ZNF616: variants seen among roughly 807,000 people sequenced by gnomAD.
The protein encoded by ZNF616 is zinc finger protein 616.
Under a neutral mutation model 7.6 loss-of-function variants are expected in ZNF616, and 5 were observed. The observed-to-expected ratio is 0.66, with a 90% CI of 0.34 to 1.38. The LOEUF (loss-of-function observed/expected upper bound fraction) is 1.38. ZNF616 is among the 40% of genes most tolerant of loss of function. The pLI, the probability that ZNF616 is intolerant of heterozygous loss-of-function variation, is 0.04. For synonymous variants in ZNF616, 319 were observed against 317.2 expected, an observed-to-expected ratio of 1.01 and a Z score of -0.06; for missense variants, 913 against 948.3, an observed-to-expected ratio of 0.96 and a Z score of 0.49.
rs1377816946 is a variant in ZNF616 at position 52,115,098 on chromosome 19, T to C, written c.2066A>G (p.Tyr689Cys). Reference protein sequence around the residue: ...HQIIHAGKKPYKCDECGKVFR... With the variant: ...HQIIHAGKKPCKCDECGKVFR... The stretch of plus-strand genomic sequence containing the variant: ...TACCTTGCCACATTCATCACATTTA[T>C]ATGGTTTCTTTCCTGCATGAATTAT... The change falls in exon 4 of 4, where the codon TAT becomes TGT. Residue 689 changes from tyrosine to cysteine, a missense_variant. Physicochemically the swap from Tyr to Cys is radical, Grantham distance 194. Coordinates refer to ENST00000600228, the MANE Select transcript of ZNF616 (RefSeq NM_178523.5). 5 of 1,614,030 alleles carry C rather than the reference T, an allele frequency of 3.1e-6. No homozygotes were observed. Among genetic ancestry groups the C allele is most frequent in the Admixed American group, 1.7e-5 (1 of 60,008 alleles).
At chr19:52,122,878 C>T (rs951059198) in intron 3 of ZNF616, among the ~76,000 whole-genome samples, 3 of 152,060 alleles carry the variant, frequency 2.0e-5, no homozygotes, top group Admixed American at 6.5e-5. Flanking sequence ...TCGTGATCCA[C>T]CCGCCTCGGC....
In ZNF616 at chr19:52,114,729, T is replaced by A; in HGVS notation, c.*89A>T. 1 of 1,448,102 alleles carries A rather than the reference T, an allele frequency of 6.9e-7. No individual in the cohort carries two copies. The highest frequency in any genetic ancestry group is 9.2e-7 in the Non-Finnish European group (1 of 1,081,088). 89.7% of individuals were successfully genotyped at this position (1,448,102 alleles called of 1,614,324 possible). ...CCACCTCCAATACTGGAGATTACAA[T>A]TCCACAGGGATTTCAAGAGAAGGGG... On this transcript the variant is annotated 3_prime_UTR_variant, in exon 4 of 4. Transcript: ENST00000600228.
At position 52,116,202 on chromosome 19, in the gene ZNF616, C is replaced by T. The variant is rs1191769839; in HGVS notation, c.962G>A (p.Gly321Glu). 2 of 1,613,992 alleles carry T rather than the reference C, an allele frequency of 1.2e-6. No individual in the cohort carries two copies. Among genetic ancestry groups the T allele is most frequent in the East Asian group, 2.2e-5 (1 of 44,858 alleles). ...CTCATTACATTTGAAGGGTCTCTCT[C>T]CAGTATGAACTGTCTGATGAAGTCT... ...HLRLHQTVHT[G>E]ERPFKCNECG... Residue 321 changes from glycine to glutamate, a missense_variant, in exon 4 of 4, where the codon GGA (glycine) becomes GAA (glutamate). Coordinates refer to ENST00000600228, the MANE Select transcript of ZNF616 (RefSeq NM_178523.5).
chr19:52,118,926 C>T (rs770035798), intron 3 of ZNF616, among the ~76,000 whole-genome samples: 10 of 152,164 alleles, frequency 6.6e-5, no homozygotes, highest in Non-Finnish European at 1.0e-4. Context: ...TATGCACCTA[C>T]GTTTGCAGGA....
chr19:52,127,865 A>G (rs1280690499), intron 2 of ZNF616, among the ~76,000 whole-genome samples: 1 of 152,250 alleles, frequency 6.6e-6, no homozygotes, highest in Non-Finnish European at 1.5e-5. Context: ...AACTGGCACA[A>G]TGAAATTTCA....
At position 52,114,736 on chromosome 19, in the gene ZNF616, G is replaced by T; in HGVS notation, c.*82C>A. The T allele has an allele frequency of 6.8e-7, 1 of 1,465,596 alleles. No homozygotes were observed. 90.8% of individuals were successfully genotyped at this position (1,465,596 alleles called of 1,614,324 possible). On this transcript the variant is annotated 3_prime_UTR_variant, in exon 4 of 4. Coordinates refer to ENST00000600228, the MANE Select transcript of ZNF616 (RefSeq NM_178523.5). ...CAATACTGGAGATTACAATTCCACA[G>T]GGATTTCAAGAGAAGGGGTAAATAT...
In ZNF616 at chr19:52,115,354, G is replaced by A; in HGVS notation, c.1810C>T (p.Pro604Ser). ...GHRRVHTGEKPYKCHECGKAF... is the reference protein window; with the variant it reads ...GHRRVHTGEKSYKCHECGKAF... ...TTGCCACATTCATGACATTTGTATG[G>A]TTTCTCTCCAGTATGAACTCTTCGA... Residue 604 changes from proline (P) to serine (S), a missense_variant, in exon 4 of 4, where the codon CCA (proline) becomes TCA (serine). Physicochemically the swap from Pro to Ser is moderately conservative, Grantham distance 74. Coordinates refer to ENST00000600228, the MANE Select transcript of ZNF616 (RefSeq NM_178523.5). The A allele has an allele frequency of 6.2e-7, 1 of 1,614,042 alleles. No individual in the cohort carries two copies. Among genetic ancestry groups the A allele is most frequent in the Non-Finnish European group, 8.5e-7 (1 of 1,180,002 alleles).
At chr19:52,130,050 G>T (rs548527668) in intron 2 of ZNF616, among the ~76,000 whole-genome samples, 1 of 152,330 alleles carries the variant, frequency 6.6e-6, no homozygotes, top group African/African-American at 2.4e-5. Context: ...TGAGATTACA[G>T]GCATGAGACA....
chr19:52,129,927 C>A (rs541280906), intron 2 of ZNF616, among the ~76,000 whole-genome samples: 1 of 151,974 alleles, frequency 6.6e-6, no homozygotes, highest in Non-Finnish European at 1.5e-5. Context: ...GGATTACAGG[C>A]CCCTGCCACC....
rs746608553 is a variant in ZNF616, at chr19:52,116,996, T to C, written c.168A>G (p.Glu56=). The change falls in exon 4 of 4, where the codon GAA becomes GAG. Residue 56 remains glutamate, a synonymous_variant. Transcript: ENST00000600228. ...TATTACTGTTCTCTGTTGGTGGTAATTCCTTGATCACACATTTAGGAGAGA... is the reference window on the plus strand; with the variant it reads ...TATTACTGTTCTCTGTTGGTGGTAACTCCTTGATCACACATTTAGGAGAGA... ...LGISPKCVIK[E]LPPTENSNTG... The C allele has an allele frequency of 6.9e-5, 110 of 1,588,414 alleles. 2 individuals carry two copies. The South Asian group carries it at 1.2e-3, about 17-fold the overall frequency.
intron 2 of ZNF616, among the ~76,000 whole-genome samples, chr19:52,124,255 A>G (rs2088887701): frequency 6.6e-6 from 1 of 152,228 alleles, no homozygotes; most frequent in Non-Finnish European, 1.5e-5. Context: ...GTATAGTTCT[A>G]TTTTTGTGGA....
Position 52,115,689 on chromosome 19 carries a change from G to C in ZNF616, c.1475C>G (p.Pro492Arg), listed in dbSNP as rs1488698997. 3.1e-6 allele frequency: 5 copies of C among 1,613,770 alleles called. No homozygotes were observed. Among genetic ancestry groups the C allele is most frequent in the Non-Finnish European group, 4.2e-6 (5 of 1,179,900 alleles). ...CTTGCCACATTCATTGCATTTGTAA[G>C]GTTTCTCTCCAGTATGAATTCTCTG... ...AHQRIHTGEK[P>R]YKCNECGKVF... The change falls in exon 4 of 4, where the codon CCT (proline) becomes CGT (arginine). Residue 492 changes from proline (P) to arginine (R), a missense_variant. Physicochemically the swap from Pro to Arg is moderately radical, Grantham distance 103. Transcript: ENST00000600228.
At chr19:52,118,952 T>C (rs936118895) in intron 3 of ZNF616, among the ~76,000 whole-genome samples, 2 of 152,208 alleles carry the variant, frequency 1.3e-5, no homozygotes, top group African/African-American at 4.8e-5. Context: ...CATTATGTTT[T>C]TTTCAAAAAC....
intron 2 of ZNF616, among the ~76,000 whole-genome samples, chr19:52,130,269 C>T (rs1474248038): frequency 6.6e-6 from 1 of 152,132 alleles, no homozygotes; most frequent in African/African-American, 2.4e-5. Context: ...TTCCCAGGAC[C>T]ATGCCCAGTG....
chr19:52,125,208 C>T (rs150260520), intron 2 of ZNF616, among the ~76,000 whole-genome samples: 153 of 152,230 alleles, frequency 1.0e-3, no homozygotes, highest in South Asian at 1.9e-3. Context: ...TTTTCTACTA[C>T]CAATTCAAAA....
In ZNF616 at chr19:52,116,548, TC is replaced by T; in HGVS notation, c.615del (p.Ile206TyrfsTer23). 1.9e-6 allele frequency: 3 copies of T among 1,614,102 alleles called. No individual in the cohort carries two copies. The highest frequency in any genetic ancestry group is 2.5e-6 in the Non-Finnish European group (3 of 1,180,008). On this transcript the variant is annotated frameshift_variant, in exon 4 of 4. Coordinates refer to ENST00000600228, the MANE Select transcript of ZNF616 (RefSeq NM_178523.5). LOFTEE classifies it low-confidence loss of function (END_TRUNC). ...TTGTAAGGTTTCTCTGTAGTATGTA[TC>T]CTCTGATGATTAATAAGGCTGGAAG... is the stretch of plus-strand genomic sequence containing the variant. ...KASSSLINHQ[R>X]IHTTEKPYKC... is the part of the protein sequence containing the mutation.
chr19:52,130,537 C>T lies in ZNF616; in HGVS notation c.-25G>A. On this transcript the variant is annotated 5_prime_UTR_variant, in exon 2 of 4. Transcript: ENST00000600228. ...TCACTGACTCCTTTTCCTTCCTCTT[C>T]TTCCTCTTCTGGGTTTCTTTCTCAG... 1 of 1,603,726 alleles carries T rather than the reference C, an allele frequency of 6.2e-7. No individual in the cohort carries two copies. The highest frequency in any genetic ancestry group is 8.5e-7 in the Non-Finnish European group (1 of 1,176,214).
intron 1 of ZNF616, among the ~76,000 whole-genome samples, chr19:52,131,352 T>C (rs1424434193): frequency 6.8e-6 from 1 of 147,514 alleles, no homozygotes; most frequent in Non-Finnish European, 1.5e-5. Flanking sequence ...GGAAGGAGAA[T>C]CTCTATAAGG....
chr19:52,132,156 AAT>A (rs2088965960), intron 1 of ZNF616, among the ~76,000 whole-genome samples: 1 of 152,164 alleles, frequency 6.6e-6, no homozygotes, highest in South Asian at 2.1e-4. Context: ...CCTTCTATAT[AAT>A]GTCATATCTT....
Sources: allele counts gnomAD v4.1 joint callset (sites outside exome capture counted in the v4.1 genomes callset), GRCh38; gene constraint gnomAD v4.1.1; transcripts MANE v1.5; gene names NCBI Gene and HGNC (gene_info 2026-07-23, HGNC 2026-07-21).